The following SCRN1 variants were observed in gnomAD, a reference collection of about 807,000 sequenced individuals.
The protein encoded by SCRN1 is secernin 1.
In SCRN1, 19 loss-of-function variants were observed where a neutral mutation model predicts 43.3. The ratio of observed to expected loss-of-function variants is 0.44; its 90% CI spans 0.31 to 0.64. The LOEUF (loss-of-function observed/expected upper bound fraction) is 0.64. Among genes scored for constraint, SCRN1 ranks in the 30% least tolerant of loss-of-function variants. SCRN1 has a pLI of 0.09. For synonymous variants in SCRN1, 183 were observed against 188.9 expected (o/e 0.97, Z 0.26); for missense variants, 447 against 524.1 (o/e 0.85, Z 1.44).
At chr7:29,940,961 C>T (rs757524727) in intron 4 of SCRN1, 85 bp from the exon 5 acceptor site, 118 of 1,145,300 alleles carry the variant, frequency 1.0e-4, no homozygotes, top group Non-Finnish European at 1.3e-4. Context: ...GAATCCTTTT[C>T]CTGAAACACT....
chr7:29,971,743 A>G (rs1463543664), intron 1 of SCRN1, among the ~76,000 whole-genome samples: 1 of 152,208 alleles, frequency 6.6e-6, no homozygotes, highest in African/African-American at 2.4e-5. Context: ...ATTCCTAATT[A>G]GAGCAGTTAC....
intron 1 of SCRN1, chr7:29,989,010 A>C (rs2127936972): frequency 6.6e-6 from 1 of 151,928 alleles, no homozygotes; most frequent in South Asian, 2.1e-4. Flanking sequence ...CGCCCCGCGG[A>C]GAACGCCCGG....
chr7:29,937,774 A>G (rs376792140), intron 5 of SCRN1, among the ~76,000 whole-genome samples: 44 of 152,356 alleles, frequency 2.9e-4, no homozygotes, highest in Admixed American at 3.9e-4. Flanking sequence ...CCCCTGGGTT[A>G]TAATTTGTTA....
At chr7:29,981,903 G>T (rs1013931688) in intron 1 of SCRN1, among the ~76,000 whole-genome samples, 1 of 152,160 alleles carries the variant, frequency 6.6e-6, no homozygotes, top group Non-Finnish European at 1.5e-5. Flanking sequence ...TCCATAGAAG[G>T]CTCAGATTGT....
chr7:29,963,648 C>T (rs1017285166), intron 2 of SCRN1, among the ~76,000 whole-genome samples: 15 of 3,674 alleles, frequency 4.1e-3, no homozygotes, highest in South Asian at 0.17. Context: ...TTTGGAAGTA[C>T]ATCCAATGGT....
At chr7:29,947,813 T>A (rs1409950172) in intron 3 of SCRN1, among the ~76,000 whole-genome samples, 1 of 152,176 alleles carries the variant, frequency 6.6e-6, no homozygotes, top group Non-Finnish European at 1.5e-5. Context: ...GGCACCATGA[T>A]GGGATTAGTG....
At chr7:29,949,924 A>G (rs750918779) in intron 3 of SCRN1, among the ~76,000 whole-genome samples, 2 of 152,138 alleles carry the variant, frequency 1.3e-5, no homozygotes, top group Non-Finnish European at 2.9e-5. Flanking sequence ...GATCCTCATG[A>G]CTCGCCTCCT....
intron 1 of SCRN1, among the ~76,000 whole-genome samples, chr7:29,983,664 T>G (rs1379431328): frequency 1.3e-5 from 2 of 152,162 alleles, no homozygotes; most frequent in East Asian, 3.8e-4. Flanking sequence ...GCAAAGGATA[T>G]GTGGGATTAG....
chr7:29,983,691 A>G (rs1789064577), intron 1 of SCRN1, among the ~76,000 whole-genome samples: 1 of 152,238 alleles, frequency 6.6e-6, no homozygotes, highest in Non-Finnish European at 1.5e-5. Context: ...TTCAGAAATG[A>G]AAATTAATGA....
intron 1 of SCRN1, among the ~76,000 whole-genome samples, chr7:29,974,471 C>A (rs1788748335): frequency 6.6e-5 from 10 of 152,060 alleles, no homozygotes; most frequent in Admixed American, 6.6e-4. Context: ...GAAAAACTGG[C>A]CAGTCTGGAA....
chr7:29,948,765 C>T (rs967299681), intron 3 of SCRN1, among the ~76,000 whole-genome samples: 1 of 152,204 alleles, frequency 6.6e-6, no homozygotes, highest in African/African-American at 2.4e-5. Flanking sequence ...CTGCTACCAG[C>T]TTGGAGAGCA....
chr7:29,988,985 G>C lies in SCRN1; in HGVS notation c.-2+657C>G, dbSNP rs373912802. 64 of 152,362 alleles carry C rather than the reference G, an allele frequency of 4.2e-4. 1 individual carries two copies. Among genetic ancestry groups the C allele is most frequent in the African/African-American group, 1.4e-3 (57 of 41,580 alleles). The allele number at this position is 152,362 out of a possible 1,614,324, so 9.4% of individuals were successfully genotyped here. On this transcript the variant is annotated intron_variant, in intron 1 of 7. Coordinates refer to ENST00000242059, the MANE Select transcript of SCRN1 (RefSeq NM_014766.5). ...CAGAGGCCGACCAAGCCGGCCTCTC[G>C]GCAGCCCCGCCCGGCGCCCCGCGGA...
chr7:29,990,231 C>T, upstream of SCRN1: 2 of 1,551,652 alleles, frequency 1.3e-6, no homozygotes, highest in Non-Finnish European at 8.7e-7. Flanking sequence ...AAAGTGCCGT[C>T]CTGTACCATG....
At chr7:29,969,157 A>C in intron 1 of SCRN1, 89 bp from the exon 2 acceptor site, 3 of 1,472,328 alleles carry the variant, frequency 2.0e-6, no homozygotes, top group Non-Finnish European at 2.8e-6. Flanking sequence ...ACCAGCTAAA[A>C]GGGTTTTACT....
At chr7:29,973,181 G>A (rs929728330) in intron 1 of SCRN1, among the ~76,000 whole-genome samples, 1 of 152,188 alleles carries the variant, frequency 6.6e-6, no homozygotes, top group Non-Finnish European at 1.5e-5. Context: ...GGCTGACTTA[G>A]ATTACATAAG....
At chr7:29,974,669 G>A (rs528326302) in intron 1 of SCRN1, among the ~76,000 whole-genome samples, 28 of 149,730 alleles carry the variant, frequency 1.9e-4, no homozygotes, top group African/African-American at 6.6e-4. Context: ...TTGTTTACAC[G>A]ATTCTTTCTT....
At chr7:29,924,995 T>G (rs1269095148) in intron 7 of SCRN1, among the ~76,000 whole-genome samples, 1 of 152,138 alleles carries the variant, frequency 6.6e-6, no homozygotes, top group Non-Finnish European at 1.5e-5. Flanking sequence ...CACAGCCCTT[T>G]CTACCTCTTC....
rs935791965 is a variant in SCRN1, at chr7:29,920,638, C to T, written c.*3319G>A. ...ACTGAAGACCTTCCCCAATAAATGA[C>T]AGATGGCTCTTCAGTCAGGAATGCA... is the stretch of plus-strand genomic sequence containing the variant. On this transcript the variant is annotated 3_prime_UTR_variant, in exon 8 of 8. Transcript: ENST00000242059. The T allele has an allele frequency of 6.6e-6, 1 of 152,248 alleles. No individual in the cohort carries two copies. Among genetic ancestry groups the T allele is most frequent in the African/African-American group, 2.4e-5 (1 of 41,454 alleles). The allele number at this position is 152,248 out of a possible 1,614,324, so 9.4% of individuals were successfully genotyped here. A position where few individuals can be genotyped will look rare whatever the true frequency, so the allele number is the denominator to read the frequency against.
At chr7:29,943,380 G>A (rs1787621947) in intron 4 of SCRN1, among the ~76,000 whole-genome samples, 2 of 152,196 alleles carry the variant, frequency 1.3e-5, no homozygotes, top group Admixed American at 6.5e-5. Context: ...CCAGGGCTGT[G>A]TTAGAAGCAA....
Sources: gnomAD v4.1 joint callset for allele counts (sites outside exome capture counted in the v4.1 genomes callset) on GRCh38, gnomAD v4.1.1 for gene constraint, MANE v1.5 for transcripts, NCBI Gene and HGNC (gene_info 2026-07-23, HGNC 2026-07-21) for gene names.